Variants in PDE8B observed in about 807,000 individuals in gnomAD.
PDE8B encodes the protein high affinity cAMP-specific and IBMX-insensitive 3',5'-cyclic phosphodiesterase 8B.
Under a neutral mutation model 101.3 loss-of-function variants are expected in PDE8B, and 26 were observed. The ratio of observed to expected loss-of-function variants is 0.26; its 90% confidence interval spans 0.19 to 0.36. PDE8B has a LOEUF of 0.36. Among genes scored for constraint, PDE8B ranks in the 10% least tolerant of loss-of-function variants. PDE8B has a pLI of 1.00. For missense variants in PDE8B, 810 were observed against 1,163.1 expected (o/e 0.70, Z 4.42); for synonymous variants, 424 against 429.3 (o/e 0.99, Z 0.15).
At chr5:77,088,635 C>T in the PDE8B span, 1 of 152,252 alleles carries the variant, frequency 6.6e-6, no homozygotes, top group Non-Finnish European at 1.5e-5. Flanking sequence ...GGTGGATTCT[C>T]TAACTGTCCC....
intron 1 of PDE8B, chr5:77,290,173 A>T: frequency 1.4e-6 from 2 of 1,448,516 alleles, no homozygotes; most frequent in Non-Finnish European, 1.9e-6. Context: ...GTCTTACATT[A>T]AAAACCATTG....
At chr5:77,215,279 C>T (rs1749431334) in intron 1 of PDE8B, among the ~76,000 whole-genome samples, 1 of 152,200 alleles carries the variant, frequency 6.6e-6, no homozygotes, top group African/African-American at 2.4e-5. Flanking sequence ...GGCACATATT[C>T]TCTTCTCAGC....
the PDE8B span, among the ~76,000 whole-genome samples, chr5:77,106,690 G>GA: frequency 2.0e-5 from 3 of 152,072 alleles, no homozygotes; most frequent in African/African-American, 4.8e-5. Flanking sequence ...AATTTGGGGA[G>GA]AATCTCCATC....
At chr5:77,305,344 T>G (rs555960271) in intron 1 of PDE8B, among the ~76,000 whole-genome samples, 1 of 152,312 alleles carries the variant, frequency 6.6e-6, no homozygotes, top group South Asian at 2.1e-4. Flanking sequence ...CAGTGAGCTC[T>G]TGGGCCCTGA....
chr5:77,259,566 C>G (rs72766932), intron 1 of PDE8B, among the ~76,000 whole-genome samples: 1 of 152,198 alleles, frequency 6.6e-6, no homozygotes. Context: ...TGGGTAAGTT[C>G]CCTTGCTACT....
chr5:77,145,937 T>A, the PDE8B span: 2 of 152,206 alleles, frequency 1.3e-5, no homozygotes, highest in South Asian at 2.1e-4. Flanking sequence ...GCCCTTGAAA[T>A]CTAATCAAAG....
chr5:77,259,086 CACA>C (rs1759914788), intron 1 of PDE8B, among the ~76,000 whole-genome samples: 4 of 63,188 alleles, frequency 6.3e-5, no homozygotes, highest in African/African-American at 2.0e-4. Context: ...CCCCCCCCCA[CACA>C]CACACACGAA....
At chr5:77,343,324 T>G (rs1779550950) in intron 6 of PDE8B, among the ~76,000 whole-genome samples, 1 of 152,236 alleles carries the variant, frequency 6.6e-6, no homozygotes, top group Non-Finnish European at 1.5e-5. Context: ...TCATAGAGTG[T>G]ACTTACACAA....
chr5:77,188,303 C>T, the PDE8B span, among the ~76,000 whole-genome samples: 1 of 152,148 alleles, frequency 6.6e-6, no homozygotes, highest in Non-Finnish European at 1.5e-5. Flanking sequence ...TTACTATGAA[C>T]ATCTTTGTCA....
chr5:77,314,455 G>A (rs1773349795), intron 2 of PDE8B, among the ~76,000 whole-genome samples: 1 of 152,056 alleles, frequency 6.6e-6, no homozygotes, highest in Admixed American at 6.5e-5. Flanking sequence ...GATAGGGATT[G>A]CAATGAATCT....
chr5:77,342,033 G>A (rs1234682787), intron 6 of PDE8B, among the ~76,000 whole-genome samples: 7 of 152,090 alleles, frequency 4.6e-5, no homozygotes, highest in South Asian at 2.1e-4. Flanking sequence ...TAGGAATGGC[G>A]TCTTGCAGTT....
chr5:77,096,526 G>A, the PDE8B span, among the ~76,000 whole-genome samples: 7 of 152,286 alleles, frequency 4.6e-5, no homozygotes, highest in South Asian at 1.5e-3. Context: ...TCACATGGCA[G>A]AAGGCAAGGG....
chr5:77,223,679 A>T (rs143473695), intron 1 of PDE8B, among the ~76,000 whole-genome samples: 57 of 152,170 alleles, frequency 3.7e-4, no homozygotes, highest in African/African-American at 1.3e-3. Context: ...CCTTTGTATT[A>T]TATGAGGCTA....
chr5:77,413,852 T>C lies in PDE8B; in HGVS notation c.1911+543T>C, dbSNP rs529574522. On this transcript the variant is annotated intron_variant, in intron 17 of 21. Coordinates refer to ENST00000264917, the MANE Select transcript of PDE8B (RefSeq NM_003719.5). ...CCCTTAGTCTTACAGTTCAATACTG[T>C]CATGTACCACTGCTGATTTGTAGGG... Among the ~76,000 whole-genome samples, 3 of 152,282 alleles carry C rather than the reference T, an allele frequency of 2.0e-5. No individual in the cohort carries two copies. In the East Asian group the frequency reaches 5.8e-4, roughly 29 times the overall value.
intron 1 of PDE8B, 109 bp from the exon 2 acceptor site, chr5:77,311,885 C>G (rs1772714242): frequency 2.3e-6 from 2 of 884,824 alleles, no homozygotes; most frequent in Admixed American, 3.4e-5. Context: ...AAGCTGGATT[C>G]TTCAATTTAG....
In PDE8B at chr5:77,312,360, T is replaced by C. The variant is rs1772866830; in HGVS notation, c.399+307T>C. Among the ~76,000 whole-genome samples, 4 of 152,220 alleles carry C rather than the reference T, an allele frequency of 2.6e-5. 1 individual carries two copies. Among genetic ancestry groups the C allele is most frequent in the Admixed American group, 2.6e-4 (4 of 15,288 alleles). On this transcript the variant is annotated intron_variant, in intron 2 of 21. Transcript: ENST00000264917. ...CTCAGGTGACCTGCCTGCCTCGGCC[T>C]CCCAGAGTGCTGGGATTACAGGCGT...
At position 77,425,750 on chromosome 5, in the gene PDE8B, G is replaced by C. The variant is rs753149148; in HGVS notation, c.2419-17G>C. 6.2e-7 allele frequency: 1 copy of C among 1,613,354 alleles called. No individual in the cohort carries two copies. Among genetic ancestry groups the C allele is most frequent in the Admixed American group, 1.7e-5 (1 of 60,008 alleles). ...CTCGCATGTCCTCCAGCCCTATGTGGTGGTTTTTTCTTACAGACTGATGAA... is the reference window on the plus strand; with the variant it reads ...CTCGCATGTCCTCCAGCCCTATGTGCTGGTTTTTTCTTACAGACTGATGAA... On this transcript the variant is annotated splice_polypyrimidine_tract_variant and intron_variant, in intron 20 of 21. Transcript: ENST00000264917.
intron 10 of PDE8B, among the ~76,000 whole-genome samples, chr5:77,389,247 G>A (rs1044868029): frequency 6.6e-6 from 1 of 152,182 alleles, no homozygotes; most frequent in Non-Finnish European, 1.5e-5. Context: ...AAGACTGTGG[G>A]AAGAGTGCTG....
intron 4 of PDE8B, among the ~76,000 whole-genome samples, chr5:77,330,584 G>A (rs1430678599): frequency 1.3e-5 from 2 of 152,218 alleles, no homozygotes; most frequent in African/African-American, 4.8e-5. Flanking sequence ...CCTTAGGGCA[G>A]GAATCAGCTG....
Sources: gnomAD v4.1 joint callset for allele counts (sites outside exome capture counted in the v4.1 genomes callset) on GRCh38, gnomAD v4.1.1 for gene constraint, MANE v1.5 for transcripts, NCBI Gene and HGNC (gene_info 2026-07-23, HGNC 2026-07-21) for gene names.